Variants in LRRIQ1 observed in about 807,000 individuals in gnomAD.
LRRIQ1 encodes the protein leucine rich repeats and IQ motif containing 1.
In LRRIQ1, 210 loss-of-function variants were observed where a neutral mutation model predicts 211.9. That is an observed-to-expected ratio of 0.99 (90% confidence interval 0.89 to 1.11). The LOEUF (loss-of-function observed/expected upper bound fraction) is 1.11, where lower values mean the gene tolerates loss of function less well. Among genes scored for constraint, LRRIQ1 ranks in the 50% most tolerant of loss-of-function variants. The pLI is 0.00. For synonymous variants in LRRIQ1, 699 were observed against 650.1 expected (o/e 1.08, Z -1.14); for missense variants, 2,136 against 1,939.5 (o/e 1.10, Z -1.90).
chr12:85,163,160 C>T (rs895441289), intron 24 of LRRIQ1, among the ~76,000 whole-genome samples: 2 of 152,124 alleles, frequency 1.3e-5, no homozygotes, highest in Admixed American at 6.5e-5. Flanking sequence ...GTAGAGAGTG[C>T]CTCCTGAACC....
At chr12:85,218,115 T>C (rs1894241462) in intron 24 of LRRIQ1, among the ~76,000 whole-genome samples, 1 of 152,076 alleles carries the variant, frequency 6.6e-6, no homozygotes, top group African/African-American at 2.4e-5. Context: ...ACTCTTCTTA[T>C]CGTGTGGAAA....
intron 15 of LRRIQ1, 116 bp from the exon 16 acceptor site, chr12:85,121,580 AT>A: frequency 1.4e-6 from 1 of 721,596 alleles, no homozygotes; most frequent in Non-Finnish European, 2.0e-6. Flanking sequence ...CTACAGTCAC[AT>A]TTTCTGAGAT....
chr12:85,148,919 T>A (rs942239296), intron 19 of LRRIQ1, among the ~76,000 whole-genome samples: 5 of 151,942 alleles, frequency 3.3e-5, no homozygotes, highest in Admixed American at 6.6e-5. Flanking sequence ...AACTTTTTTT[T>A]ATATGTTTGT....
rs575219900 is a variant in LRRIQ1 at position 85,069,645 on chromosome 12, A to T, written c.2695+2747A>T. Among the ~76,000 whole-genome samples, 3 of 152,102 alleles carry T rather than the reference A, an allele frequency of 2.0e-5. No homozygotes were observed. In the East Asian group the frequency reaches 5.8e-4, roughly 30 times the overall value. ...AATGATTGCCATTCTAACTGGTGTG[A>T]GATGGTATCTCATTGTGATTTTGAT... On this transcript the variant is annotated intron_variant, in intron 10 of 26. Coordinates refer to ENST00000393217, the MANE Select transcript of LRRIQ1 (RefSeq NM_001079910.2).
At position 85,127,960 on chromosome 12, in the gene LRRIQ1, T is replaced by C. The variant is rs781773647; in HGVS notation, c.4136T>C (p.Ile1379Thr). 4.3e-6 allele frequency: 7 copies of C among 1,613,716 alleles called. No homozygotes were observed. The East Asian group carries it at 8.9e-5, about 21-fold the overall frequency. The change falls in exon 18 of 27, where the codon ATT (isoleucine) becomes ACT (threonine). Residue 1379 changes from isoleucine to threonine, a missense_variant. Coordinates refer to ENST00000393217, the MANE Select transcript of LRRIQ1 (RefSeq NM_001079910.2). ...AATTCTTCCATCAAGAATCAGACTATTTTAAAGAAAGGAAAAAGAGAAAAT... is the reference window on the plus strand; with the variant it reads ...AATTCTTCCATCAAGAATCAGACTACTTTAAAGAAAGGAAAAAGAGAAAAT... ...LPNSSIKNQT[I>T]LKKGKRENIV...
chr12:85,174,268 T>TA (rs1262957437), intron 24 of LRRIQ1, among the ~76,000 whole-genome samples: 11 of 150,908 alleles, frequency 7.3e-5, no homozygotes, highest in African/African-American at 1.2e-4. Context: ...ATAGCAGAAA[T>TA]AAAAAAAACT....
intron 22 of LRRIQ1, 87 bp from the exon 23 acceptor site, chr12:85,153,924 AT>A: frequency 2.0e-6 from 2 of 994,256 alleles, no homozygotes; most frequent in South Asian, 3.5e-5. Context: ...GTATGCTATA[AT>A]TCAGATATGC....
At chr12:85,224,658 C>G (rs1215104821) in intron 24 of LRRIQ1, among the ~76,000 whole-genome samples, 1 of 147,394 alleles carries the variant, frequency 6.8e-6, no homozygotes, top group East Asian at 2.0e-4. Flanking sequence ...GCCACATGTT[C>G]TCACTCATAA....
intron 11 of LRRIQ1, among the ~76,000 whole-genome samples, chr12:85,093,630 T>C (rs11116704): frequency 0.28 from 43,209 of 152,070 alleles, 6,287 homozygotes; most frequent in Admixed American, 0.34. Flanking sequence ...AAAAGTGTCC[T>C]CACATTTGCT....
intron 23 of LRRIQ1, among the ~76,000 whole-genome samples, chr12:85,160,409 A>G (rs1890800186): frequency 6.6e-6 from 1 of 152,086 alleles, no homozygotes; most frequent in South Asian, 2.1e-4. Flanking sequence ...AGTATTGGCT[A>G]TTTGTTTAAT....
At chr12:85,239,166 C>G (rs1895342133) in intron 26 of LRRIQ1, among the ~76,000 whole-genome samples, 1 of 151,800 alleles carries the variant, frequency 6.6e-6, no homozygotes, top group African/African-American at 2.4e-5. Context: ...TTAATTCTCC[C>G]CAAATGTTCT....
chr12:85,132,903 A>G (rs1055318670), intron 18 of LRRIQ1, among the ~76,000 whole-genome samples: 1 of 152,166 alleles, frequency 6.6e-6, no homozygotes, highest in Non-Finnish European at 1.5e-5. Context: ...ACCATGTGAC[A>G]TGCCAATCAT....
rs147364242 is a variant in LRRIQ1, at chr12:85,068,486, A to C, written c.2695+1588A>C. Among the ~76,000 whole-genome samples the C allele has an allele frequency of 4.8e-3, 727 of 151,880 alleles. 4 individuals are homozygous for C. Among genetic ancestry groups the C allele is most frequent in the Non-Finnish European group, 7.7e-3 (520 of 67,878 alleles). ...TATATTAAACATTTGCTTCATCTTT[A>C]CTTTTTTGGGGTTTTGATTTCATTT... On this transcript the variant is annotated intron_variant, in intron 10 of 26. Coordinates refer to ENST00000393217, the MANE Select transcript of LRRIQ1 (RefSeq NM_001079910.2).
intron 24 of LRRIQ1, among the ~76,000 whole-genome samples, chr12:85,205,280 C>A (rs1893487667): frequency 6.6e-6 from 1 of 152,156 alleles, no homozygotes; most frequent in Non-Finnish European, 1.5e-5. Context: ...TCTTTATCAG[C>A]AGCATGAAAA....
chr12:85,229,398 T>C, intron 24 of LRRIQ1, 119 bp from the exon 25 acceptor site: 1 of 726,742 alleles, frequency 1.4e-6, no homozygotes, highest in Non-Finnish European at 2.2e-6. Flanking sequence ...CAGATTTAGC[T>C]CTCATAAGTT....
At chr12:85,165,388 C>T (rs986740776) in intron 24 of LRRIQ1, among the ~76,000 whole-genome samples, 4 of 150,868 alleles carry the variant, frequency 2.7e-5, no homozygotes, top group East Asian at 2.0e-4. Context: ...TGAGAACATG[C>T]GGTATTTGGT....
chr12:85,104,561 CT>C (rs2041754528), intron 14 of LRRIQ1, among the ~76,000 whole-genome samples: 1 of 151,788 alleles, frequency 6.6e-6, no homozygotes, highest in South Asian at 2.1e-4. Context: ...CAGTACATTC[CT>C]TTTTTTCTAC....
In LRRIQ1 at chr12:85,127,881, A is replaced by G. The variant is rs1565854173; in HGVS notation, c.4057A>G (p.Arg1353Gly). The G allele has an allele frequency of 6.2e-7, 1 of 1,614,094 alleles. No homozygotes were observed. The highest frequency in any genetic ancestry group is 8.5e-7 in the Non-Finnish European group (1 of 1,180,016). The change falls in exon 18 of 27, where the codon AGA (arginine) becomes GGA (glycine). Residue 1353 changes from arginine (R) to glycine (G), a missense_variant. Arg to Gly is a moderately radical substitution (Grantham distance 125). Transcript: ENST00000393217. ...ATACTGGCGTGGTTACCTCATGCGC[A>G]GACAGACTCATTTCTCCACAAGGCT... ...QSYWRGYLMR[R>G]QTHFSTRLHT...
chr12:85,208,762 A>G (rs1433040862), intron 24 of LRRIQ1, among the ~76,000 whole-genome samples: 1 of 152,192 alleles, frequency 6.6e-6, no homozygotes, highest in Non-Finnish European at 1.5e-5. Context: ...TATTGTTACT[A>G]TGCATTATCT....
Sources: allele counts gnomAD v4.1 joint callset (sites outside exome capture counted in the v4.1 genomes callset), GRCh38; gene constraint gnomAD v4.1.1; transcripts MANE v1.5; gene names NCBI Gene and HGNC (gene_info 2026-07-23, HGNC 2026-07-21).